Variants in THSD1 observed in about 807,000 individuals in gnomAD.
The protein encoded by THSD1 is thrombospondin type-1 domain-containing protein 1.
Under a neutral mutation model 46.3 loss-of-function variants are expected in THSD1, and 34 were observed. The observed-to-expected ratio is 0.74, with a 90% CI of 0.56 to 0.98. The LOEUF (loss-of-function observed/expected upper bound fraction) is 0.98. Ranked by LOEUF, THSD1 falls within the 50% of genes least tolerant of loss-of-function variation. The probability of loss-of-function intolerance (pLI) is 0.00; values close to 1 mark genes in which losing one functional copy is unlikely to be tolerated. For synonymous variants in THSD1, 407 were observed against 416.5 expected, an observed-to-expected ratio of 0.98 and a Z score of 0.28; for missense variants, 1,023 against 1,058.3, an observed-to-expected ratio of 0.97 and a Z score of 0.46.
intron 3 of THSD1, among the ~76,000 whole-genome samples, chr13:52,387,873 G>A (rs1957745366): frequency 1.3e-5 from 2 of 152,302 alleles, no homozygotes; most frequent in South Asian, 4.1e-4. Context: ...ACCAGGAGAA[G>A]AAGATAGAGT....
rs138320459 is a variant in THSD1, at chr13:52,378,560, C to T, written c.1410G>A (p.Glu470=). Residue 470 remains glutamate, a synonymous_variant, in exon 5 of 5, where the codon GAG becomes GAA. Coordinates refer to ENST00000258613, the MANE Select transcript of THSD1 (RefSeq NM_018676.4). ...RKNSDEENIC[E]LSEQRGSFSD... ...AGAAGCTCCCGCGCTGCTCGCTCAG[C>T]TCGCAGATATTCTCCTCGTCCGAGT... The T allele has an allele frequency of 4.3e-6, 7 of 1,614,206 alleles. No individual in the cohort carries two copies. The highest frequency in any genetic ancestry group is 5.9e-6 in the Non-Finnish European group (7 of 1,180,036).
At chr13:52,398,403 G>A in intron 2 of THSD1, 1 of 645,284 alleles carries the variant, frequency 1.5e-6, no homozygotes, top group Non-Finnish European at 1.9e-6. Context: ...ACGAATAGCT[G>A]GGACTACAGG....
In THSD1 at chr13:52,402,561, C is replaced by A; in HGVS notation, c.40G>T (p.Val14Leu). ...TACTCACCATAGTCACAGAGTACCA[C>A]CAACAATAGATTTGAAAAGTCTTTC... is the stretch of plus-strand genomic sequence containing the variant. ...MLKDFSNLLL[V>L]VLCDYVLGEA... The change falls in exon 2 of 5, where the codon GTG becomes TTG. Residue 14 changes from valine to leucine, a missense_variant. Around this residue, in one of 3 missense-constraint regions of THSD1, gnomAD observed 429 missense variants for 518.3 expected, o/e 0.83. Transcript: ENST00000258613. The A allele has an allele frequency of 6.2e-7, 1 of 1,613,952 alleles. No individual in the cohort carries two copies. The highest frequency in any genetic ancestry group is 8.5e-7 in the Non-Finnish European group (1 of 1,179,906).
intron 4 of THSD1, among the ~76,000 whole-genome samples, chr13:52,381,757 T>C (rs1957694845): frequency 6.6e-6 from 1 of 152,122 alleles, no homozygotes; most frequent in East Asian, 1.9e-4. Context: ...CACATAAACA[T>C]ACTCAATCTC....
chr13:52,402,713 C>A, intron 1 of THSD1, 32 bp from the exon 2 acceptor site: 2 of 1,491,026 alleles, frequency 1.3e-6, no homozygotes, highest in South Asian at 1.4e-5. Flanking sequence ...ATGATGGCTC[C>A]GTTCAATGTG....
At chr13:52,390,264 C>G (rs1957763808) in intron 3 of THSD1, among the ~76,000 whole-genome samples, 1 of 152,180 alleles carries the variant, frequency 6.6e-6, no homozygotes, top group Non-Finnish European at 1.5e-5. Context: ...TCTCTTCATC[C>G]TTTATGGACA....
chr13:52,378,975 G>A (rs1566959920), intron 4 of THSD1, among the ~76,000 whole-genome samples, 186 bp from the exon 5 acceptor site: 1 of 148,592 alleles, frequency 6.7e-6, no homozygotes, highest in Non-Finnish European at 1.5e-5. Context: ...CAATTCTCCT[G>A]CCTCAGCCTC....
At chr13:52,385,352 C>T (rs937582812) in intron 4 of THSD1, among the ~76,000 whole-genome samples, 1 of 152,160 alleles carries the variant, frequency 6.6e-6, no homozygotes, top group African/African-American at 2.4e-5. Context: ...GGTAAATGAA[C>T]AGGATTTAGC....
chr13:52,393,203 A>G (rs1281131077), intron 3 of THSD1, among the ~76,000 whole-genome samples: 1 of 152,224 alleles, frequency 6.6e-6, no homozygotes, highest in Non-Finnish European at 1.5e-5. Context: ...TAAAATTGAC[A>G]ATGTAATGAA....
intron 1 of THSD1, among the ~76,000 whole-genome samples, chr13:52,404,679 C>T (rs1000768580): frequency 6.6e-6 from 1 of 152,178 alleles, no homozygotes; most frequent in African/African-American, 2.4e-5. Flanking sequence ...GCACTTAAGA[C>T]AATTACAATG....
At chr13:52,386,006 C>A in intron 4 of THSD1, 22 bp downstream of exon 4, 3 of 1,610,154 alleles carry the variant, frequency 1.9e-6, no homozygotes, top group South Asian at 1.1e-5. Flanking sequence ...GAGAGACTCC[C>A]GAAGGAAGCA....
At chr13:52,395,307 G>A (rs1012238025) in intron 3 of THSD1, among the ~76,000 whole-genome samples, 11 of 152,314 alleles carry the variant, frequency 7.2e-5, no homozygotes, top group African/African-American at 2.6e-4. Flanking sequence ...CTGGGGAGAA[G>A]TGGAGAGATT....
chr13:52,405,412 G>A (rs1276309463), intron 1 of THSD1, among the ~76,000 whole-genome samples: 1 of 152,228 alleles, frequency 6.6e-6, no homozygotes. Context: ...ACATGCACAT[G>A]CTTGTGTGTA....
chr13:52,403,758 G>A (rs140043580), intron 1 of THSD1, among the ~76,000 whole-genome samples: 8 of 152,004 alleles, frequency 5.3e-5, no homozygotes, highest in African/African-American at 9.7e-5. Context: ...GATTACAGGC[G>A]TAAGCCACCG....
intron 3 of THSD1, among the ~76,000 whole-genome samples, chr13:52,394,219 T>A (rs534781520): frequency 6.6e-6 from 1 of 152,378 alleles, no homozygotes; most frequent in South Asian, 2.1e-4. Context: ...CCTGCCCCCA[T>A]GTGACCTTAA....
Position 52,397,770 on chromosome 13 carries a change from G to C in THSD1, c.483C>G (p.Asp161Glu), listed in dbSNP as rs201189494. ...TSQPLCPFPVDKPNIVVDVIF... is the reference protein window; with the variant it reads ...TSQPLCPFPVEKPNIVVDVIF... ...TGACATCCACTACGATGTTGGGCTT[G>C]TCCACAGGAAACGGGCACAGTGGTT... The change falls in exon 3 of 5, where the codon GAC becomes GAG. Residue 161 changes from aspartate to glutamate, a missense_variant. Physicochemically the swap from Asp to Glu is conservative, Grantham distance 45. Coordinates refer to ENST00000258613, the MANE Select transcript of THSD1 (RefSeq NM_018676.4). The C allele has an allele frequency of 6.2e-7, 1 of 1,614,224 alleles. No homozygotes were observed. The highest frequency in any genetic ancestry group is 2.2e-5 in the East Asian group (1 of 44,890).
intron 4 of THSD1, among the ~76,000 whole-genome samples, chr13:52,383,094 T>G (rs61412886): frequency 0.019 from 2,827 of 152,226 alleles, 99 homozygotes; most frequent in African/African-American, 0.065. Context: ...TGTGGGTACA[T>G]TTTTCATTGC....
Position 52,398,148 on chromosome 13 carries a change from T to C in THSD1, c.105A>G (p.Val35=). 1.9e-6 allele frequency: 3 copies of C among 1,614,176 alleles called. No individual in the cohort carries two copies. The highest frequency in any genetic ancestry group is 2.5e-6 in the Non-Finnish European group (3 of 1,180,014). The change falls in exon 3 of 5, where the codon GTA becomes GTG. Residue 35 remains valine (V), a synonymous_variant. Coordinates refer to ENST00000258613, the MANE Select transcript of THSD1 (RefSeq NM_018676.4). ...CATACACTGTGTCGTTGCTTAGTGCTACATGGCCTGGCTCTCTCAAGAGAA... is the reference window on the plus strand; with the variant it reads ...CATACACTGTGTCGTTGCTTAGTGCCACATGGCCTGGCTCTCTCAAGAGAA... ...EYLLLREPGH[V]ALSNDTVYVD... is the part of the protein sequence containing the mutation.
Position 52,402,684 on chromosome 13 carries a change from G to C in THSD1, c.-81-3C>G. The C allele has an allele frequency of 6.3e-7, 1 of 1,576,920 alleles. No individual in the cohort carries two copies. The highest frequency in any genetic ancestry group is 1.8e-5 in the Admixed American group (1 of 55,804). On this transcript the variant is annotated splice_region_variant and splice_polypyrimidine_tract_variant and intron_variant, in intron 1 of 4. Coordinates refer to ENST00000258613, the MANE Select transcript of THSD1 (RefSeq NM_018676.4). ...GTGATTTTTTTCCCCAAAAACACCT[G>C]AAATTAGAACCTCAAAAAATGATGG...
Sources: gnomAD v4.1 joint callset for allele counts (sites outside exome capture counted in the v4.1 genomes callset) on GRCh38, gnomAD v4.1.1 for gene constraint, gnomAD v4.1.1 regional missense constraint, MANE v1.5 for transcripts, NCBI Gene and HGNC (gene_info 2026-07-23, HGNC 2026-07-21) for gene names.